ZNF670: variants seen among roughly 807,000 people sequenced by gnomAD.
The protein encoded by ZNF670 is zinc finger protein 670.
In ZNF670, 7 loss-of-function variants were observed where a neutral mutation model predicts 10.9. That is an observed-to-expected ratio of 0.64 (90% CI 0.36 to 1.20). ZNF670 has a LOEUF of 1.20. Among genes scored for constraint, ZNF670 ranks in the 50% most tolerant of loss-of-function variants. The pLI is 0.02. For missense variants in ZNF670, 446 were observed against 458.6 expected (o/e 0.97, Z 0.25); for synonymous variants, 136 against 152.7 (o/e 0.89, Z 0.81).
At position 247,078,695 on chromosome 1, in the gene ZNF670, G is replaced by C. The variant is rs1050409745; in HGVS notation, c.-99C>G. Reference sequence around the variant, plus strand: ...GCCGCGGGACCACTTGGACCTCCCAGGGATAAGGGGAAGGAGCAGCGGAGA... The same window carrying C: ...GCCGCGGGACCACTTGGACCTCCCACGGATAAGGGGAAGGAGCAGCGGAGA... On this transcript the variant is annotated 5_prime_UTR_variant, in exon 1 of 4. Transcript: ENST00000366503. 68 of 1,356,060 alleles carry C rather than the reference G, an allele frequency of 5.0e-5. No individual in the cohort carries two copies. The highest frequency in any genetic ancestry group is 6.6e-5 in the Non-Finnish European group (63 of 960,360). The allele number at this position is 1,356,060 out of a possible 1,614,324, so 84.0% of individuals were successfully genotyped here.
Position 247,057,689 on chromosome 1 carries a change from C to T in ZNF670, c.4-18152G>A, listed in dbSNP as rs566529818. Among the ~76,000 whole-genome samples, 10 of 152,232 alleles carry T rather than the reference C, an allele frequency of 6.6e-5. No homozygotes were observed. In the East Asian group the frequency reaches 1.3e-3, roughly 21 times the overall value. On this transcript the variant is annotated intron_variant, in intron 1 of 3. Transcript: ENST00000366503. ...TGAGATCCATTCATTTGCAACAACA[C>T]GGATGAAACTGGAAGTCATTGTGTT...
chr1:247,043,107 G>A, intron 1 of ZNF670: 1 of 1,099,110 alleles, frequency 9.1e-7, no homozygotes, highest in Non-Finnish European at 1.4e-6. Flanking sequence ...AAAAAGAACT[G>A]GTGTTTGACA....
Position 247,078,778 on chromosome 1 carries a change from A to C in ZNF670, c.-182T>G. The C allele has an allele frequency of 1.6e-6, 1 of 639,472 alleles. No individual in the cohort carries two copies. Among genetic ancestry groups the C allele is most frequent in the Non-Finnish European group, 2.7e-6 (1 of 371,504 alleles). The allele number at this position is 639,472 out of a possible 1,614,324, so 39.6% of individuals were successfully genotyped here. ...CACAAAAGCCGCGCCAGGTCCCGGA[A>C]GCTGCTCCCTCCTTTCGCGGCGCGC... On this transcript the variant is annotated 5_prime_UTR_variant, in exon 1 of 4. Coordinates refer to ENST00000366503, the MANE Select transcript of ZNF670 (RefSeq NM_033213.5).
At chr1:247,042,021 A>C (rs931705664) in intron 1 of ZNF670, among the ~76,000 whole-genome samples, 3 of 152,250 alleles carry the variant, frequency 2.0e-5, no homozygotes, top group Admixed American at 6.5e-5. Flanking sequence ...GGCCCAGTTA[A>C]GAATCTTAAT....
At chr1:247,074,296 G>C (rs1671202333) in intron 1 of ZNF670, among the ~76,000 whole-genome samples, 1 of 151,890 alleles carries the variant, frequency 6.6e-6, no homozygotes, top group Admixed American at 6.6e-5. Context: ...TATACCCTCA[G>C]CCTGAGCCAA....
At chr1:247,068,784 A>G (rs1010578581) in intron 1 of ZNF670, among the ~76,000 whole-genome samples, 5 of 149,286 alleles carry the variant, frequency 3.3e-5, no homozygotes, top group African/African-American at 1.3e-4. Context: ...AAATGAATGC[A>G]TAAAGAAAAT....
intron 1 of ZNF670, among the ~76,000 whole-genome samples, chr1:247,064,745 G>A (rs1670943742): frequency 6.6e-6 from 1 of 152,172 alleles, no homozygotes; most frequent in African/African-American, 2.4e-5. Context: ...GTTGGCCCCA[G>A]GATGAAAGCT....
chr1:247,054,650 T>C (rs146285503), intron 1 of ZNF670, among the ~76,000 whole-genome samples: 8 of 152,226 alleles, frequency 5.3e-5, no homozygotes, highest in Middle Eastern at 3.4e-3. Flanking sequence ...ATAACCACAA[T>C]TGATATACAG....
At chr1:247,038,961 AT>A (rs1190162108) in intron 2 of ZNF670, 91 bp from the exon 3 acceptor site, 14 of 914,650 alleles carry the variant, frequency 1.5e-5, no homozygotes, top group African/African-American at 8.5e-5. Flanking sequence ...ACCATAACTA[AT>A]TTTTTTCACC....
intron 1 of ZNF670, among the ~76,000 whole-genome samples, chr1:247,044,404 TCAAAAAACTTAAAACAGAA>T (rs1386105090): frequency 1.3e-5 from 2 of 152,204 alleles, no homozygotes; most frequent in Non-Finnish European, 2.9e-5. Flanking sequence ...TGAAGATTTC[TCAAAAAACTTAAAACAGAA>T]CTACCTTTTG....
chr1:247,037,894 T>C lies in ZNF670; in HGVS notation c.725A>G (p.Gln242Arg). ...KSFTFSSSLRQHERSHTGEKP... is the reference protein window; with the variant it reads ...KSFTFSSSLRRHERSHTGEKP... Reference sequence around the variant, plus strand: ...CTCTCCAGTATGAGATCTTTCATGTTGGCGAAGAGAACTGGAAAAAGTGAA... The same window carrying C: ...CTCTCCAGTATGAGATCTTTCATGTCGGCGAAGAGAACTGGAAAAAGTGAA... Residue 242 changes from glutamine (Q) to arginine (R), a missense_variant, in exon 4 of 4, where the codon CAA becomes CGA. By Grantham distance (43) the Gln-to-Arg change is conservative. Transcript: ENST00000366503. The C allele has an allele frequency of 1.9e-6, 3 of 1,614,040 alleles. No individual in the cohort carries two copies. Among genetic ancestry groups the C allele is most frequent in the Non-Finnish European group, 2.5e-6 (3 of 1,179,988 alleles).
Position 247,036,910 on chromosome 1 carries a change from T to G in ZNF670, c.*539A>C, listed in dbSNP as rs1032103898. The G allele has an allele frequency of 1.1e-5, 1 of 87,054 alleles. No individual in the cohort carries two copies. Among genetic ancestry groups the G allele is most frequent in the African/African-American group, 4.6e-5 (1 of 21,846 alleles). 5.4% of individuals were successfully genotyped at this position (87,054 alleles called of 1,614,324 possible). On this transcript the variant is annotated 3_prime_UTR_variant, in exon 4 of 4. Coordinates refer to ENST00000366503, the MANE Select transcript of ZNF670 (RefSeq NM_033213.5). ...CACACACACACACACACACATGAAC[T>G]CATTTTTCATTGGTCCATTAATTAG...
Position 247,038,102 on chromosome 1 carries a change from C to T in ZNF670, c.517G>A (p.Val173Met). ...HTSNGPYKGP[V>M]YEKPFDFPSV... The stretch of plus-strand genomic sequence containing the variant: ...GGAAAATCAAAAGGCTTCTCATACA[C>T]TGGACCCTTATAAGGCCCATTACTA... The change falls in exon 4 of 4, where the codon GTG (valine) becomes ATG (methionine). Residue 173 changes from valine to methionine, a missense_variant. Transcript: ENST00000366503. 1 of 1,614,202 alleles carries T rather than the reference C, an allele frequency of 6.2e-7. No individual in the cohort carries two copies. Among genetic ancestry groups the T allele is most frequent in the Non-Finnish European group, 8.5e-7 (1 of 1,180,020 alleles).
chr1:247,072,321 T>G (rs1376196014), intron 1 of ZNF670, among the ~76,000 whole-genome samples: 4 of 150,746 alleles, frequency 2.7e-5, no homozygotes, highest in Non-Finnish European at 4.4e-5. Flanking sequence ...TGGTTTTGTT[T>G]TTTTTTTTTT....
At chr1:247,067,766 C>T (rs1446154179) in intron 1 of ZNF670, among the ~76,000 whole-genome samples, 13 of 127,088 alleles carry the variant, frequency 1.0e-4, no homozygotes, top group South Asian at 8.3e-4. Context: ...GGCGTGAACC[C>T]GGGAGGCGGA....
intron 1 of ZNF670, among the ~76,000 whole-genome samples, chr1:247,049,671 G>C (rs1670545133): frequency 6.6e-6 from 1 of 152,112 alleles, no homozygotes; most frequent in South Asian, 2.1e-4. Context: ...ACAAACTTTT[G>C]TCTTAGCACT....
intron 1 of ZNF670, among the ~76,000 whole-genome samples, chr1:247,072,680 G>C (rs1214562568): frequency 6.6e-6 from 1 of 150,736 alleles, no homozygotes; most frequent in African/African-American, 2.4e-5. Context: ...CCAGCTAGTT[G>C]GGAGGCTGAG....
At chr1:247,042,849 T>G (rs1328067957) in intron 1 of ZNF670, 1 of 582,752 alleles carries the variant, frequency 1.7e-6, no homozygotes, top group Non-Finnish European at 3.2e-6. Context: ...TACCAGAGGC[T>G]CTTTCCCTAT....
chr1:247,037,290 G>C lies in ZNF670; in HGVS notation c.*159C>G. 2 of 878,856 alleles carry C rather than the reference G, an allele frequency of 2.3e-6. No individual in the cohort carries two copies. The highest frequency in any genetic ancestry group is 5.6e-5 in the East Asian group (2 of 35,436). 54.4% of individuals were successfully genotyped at this position (878,856 alleles called of 1,614,324 possible). A position where few individuals can be genotyped will look rare whatever the true frequency, so the allele number is the denominator to read the frequency against. ...ACGGGTCCTTCTAAGTTTTAGAAGG[G>C]AACTAGGAAAATTGCATACATTCTA... On this transcript the variant is annotated 3_prime_UTR_variant, in exon 4 of 4. Transcript: ENST00000366503.
Sources: gnomAD v4.1 joint callset for allele counts (sites outside exome capture counted in the v4.1 genomes callset) on GRCh38, gnomAD v4.1.1 for gene constraint, MANE v1.5 for transcripts, NCBI Gene and HGNC (gene_info 2026-07-23, HGNC 2026-07-21) for gene names.